The following RAB38 variants were observed in gnomAD, a reference collection of about 807,000 sequenced individuals.
RAB38 encodes RAB38, member RAS oncogene family.
In RAB38, 15 loss-of-function variants were observed where a neutral mutation model predicts 18.4. The ratio of observed to expected loss-of-function variants is 0.82; its 90% CI spans 0.55 to 1.26. RAB38 has a LOEUF of 1.26. Among genes scored for constraint, RAB38 ranks in the 50% most tolerant of loss-of-function variants. The probability of loss-of-function intolerance (pLI) is 0.00; values close to 1 mark genes in which losing one functional copy is unlikely to be tolerated. For missense variants in RAB38, 294 were observed against 267.4 expected, an observed-to-expected ratio of 1.10 and a Z score of -0.69; for synonymous variants, 101 against 104.4, an observed-to-expected ratio of 0.97 and a Z score of 0.20.
the RAB38 span, among the ~76,000 whole-genome samples, chr11:87,960,869 T>G: frequency 6.6e-6 from 1 of 152,164 alleles, no homozygotes; most frequent in African/African-American, 2.4e-5. Context: ...AGCATAGTAA[T>G]GCCTTACAGA....
chr11:87,857,812 T>A, the RAB38 span, among the ~76,000 whole-genome samples: 800 of 152,258 alleles, frequency 5.3e-3, 2 homozygotes, highest in Non-Finnish European at 8.4e-3. Context: ...ATTCTGTAGG[T>A]TGCCTGTTCA....
At chr11:87,948,893 G>T in the RAB38 span, among the ~76,000 whole-genome samples, 7 of 152,040 alleles carry the variant, frequency 4.6e-5, no homozygotes, top group African/African-American at 4.8e-5. Flanking sequence ...TCAGGATGAT[G>T]CTGGCCTCAT....
At chr11:87,822,746 A>G in the RAB38 span, among the ~76,000 whole-genome samples, 75 of 152,320 alleles carry the variant, frequency 4.9e-4, no homozygotes, top group African/African-American at 1.4e-3. Flanking sequence ...TCCAGTCTAT[A>G]TACAAGGGAA....
chr11:87,940,166 C>CAAAA, the RAB38 span, among the ~76,000 whole-genome samples: 2 of 127,456 alleles, frequency 1.6e-5, no homozygotes, highest in Non-Finnish European at 3.3e-5. Context: ...CCAGATAATA[C>CAAAA]AAAAAAAAAA....
the RAB38 span, among the ~76,000 whole-genome samples, chr11:88,013,289 C>G: frequency 5.9e-5 from 9 of 152,030 alleles, no homozygotes; most frequent in Admixed American, 3.9e-4. Flanking sequence ...GCTTATCTGT[C>G]TAAAGCAGGG....
At chr11:88,100,718 G>GT in the RAB38 span, among the ~76,000 whole-genome samples, 1 of 151,896 alleles carries the variant, frequency 6.6e-6, no homozygotes, top group South Asian at 2.1e-4. Context: ...GTTGAAAATT[G>GT]TAATAACACT....
chr11:87,966,324 G>A, the RAB38 span, among the ~76,000 whole-genome samples: 11 of 152,068 alleles, frequency 7.2e-5, no homozygotes, highest in African/African-American at 2.2e-4. Flanking sequence ...ATATTTACAT[G>A]TAGAGGAGTA....
the RAB38 span, among the ~76,000 whole-genome samples, chr11:88,041,953 T>C: frequency 0.05 from 7,683 of 152,142 alleles, 327 homozygotes; most frequent in South Asian, 0.074. Context: ...GTGGGTTTTA[T>C]TCCTGCCTTA....
chr11:87,820,003 C>G, the RAB38 span, among the ~76,000 whole-genome samples: 1 of 152,100 alleles, frequency 6.6e-6, no homozygotes, highest in East Asian at 1.9e-4. Context: ...GATCAACCCT[C>G]CTGCTGAAAT....
At chr11:87,947,878 C>G in the RAB38 span, among the ~76,000 whole-genome samples, 1 of 152,158 alleles carries the variant, frequency 6.6e-6, no homozygotes, top group African/African-American at 2.4e-5. Flanking sequence ...GCAATGCAGT[C>G]TCTTTTTTGG....
At chr11:87,977,761 T>C in the RAB38 span, among the ~76,000 whole-genome samples, 1 of 62,300 alleles carries the variant, frequency 1.6e-5, no homozygotes, top group Non-Finnish European at 3.3e-5. Context: ...ATATATATAT[T>C]ATATTATAGT....
At chr11:88,162,538 C>T (rs1943198348) in intron 1 of RAB38, among the ~76,000 whole-genome samples, 1 of 152,000 alleles carries the variant, frequency 6.6e-6, no homozygotes, top group South Asian at 2.1e-4. Flanking sequence ...ACTTTCTTTC[C>T]ACTCCCACTA....
In RAB38 at chr11:88,113,763, G is replaced by T. The variant is rs2134765945; in HGVS notation, c.*225C>A. ...TTGGTCAGCTACATGACAGAAGTTT[G>T]TAACAGACTAAATATTTTCAAAAGT... On this transcript the variant is annotated 3_prime_UTR_variant, in exon 3 of 3. Coordinates refer to ENST00000243662, the MANE Select transcript of RAB38 (RefSeq NM_022337.3). The T allele has an allele frequency of 1.8e-6, 1 of 548,078 alleles. No individual in the cohort carries two copies. Among genetic ancestry groups the T allele is most frequent in the South Asian group, 3.0e-5 (1 of 33,734 alleles). The allele number at this position is 548,078 out of a possible 1,614,324, so 34.0% of individuals were successfully genotyped here.
the RAB38 span, among the ~76,000 whole-genome samples, chr11:87,848,083 C>A: frequency 6.6e-6 from 1 of 152,272 alleles, no homozygotes; most frequent in East Asian, 1.9e-4. Flanking sequence ...CCAATTAATT[C>A]TCATTTACAC....
At chr11:88,096,420 AAAATAG>A in the RAB38 span, among the ~76,000 whole-genome samples, 1 of 151,856 alleles carries the variant, frequency 6.6e-6, no homozygotes, top group Non-Finnish European at 1.5e-5. Context: ...TATCCTGCAT[AAAATAG>A]CACCCCAACA....
At chr11:88,118,229 A>C (rs1277429504) in intron 2 of RAB38, among the ~76,000 whole-genome samples, 2 of 152,238 alleles carry the variant, frequency 1.3e-5, no homozygotes, top group Non-Finnish European at 2.9e-5. Flanking sequence ...TGCAACCAGG[A>C]ATCAGGCAAG....
At chr11:87,953,378 T>G in the RAB38 span, among the ~76,000 whole-genome samples, 12 of 151,710 alleles carry the variant, frequency 7.9e-5, no homozygotes, top group Admixed American at 2.0e-4. Flanking sequence ...ATAAAACAAG[T>G]GCCTGGATAG....
the RAB38 span, among the ~76,000 whole-genome samples, chr11:87,811,986 T>G: frequency 7.9e-5 from 12 of 152,196 alleles, no homozygotes; most frequent in African/African-American, 2.9e-4. Context: ...AATGAATACA[T>G]TTTGTATCCT....
the RAB38 span, among the ~76,000 whole-genome samples, chr11:88,061,114 C>T: frequency 2.0e-5 from 3 of 152,144 alleles, no homozygotes; most frequent in Non-Finnish European, 4.4e-5. Context: ...GAACAGTAAT[C>T]ATCACAGATA....
Sources: allele counts gnomAD v4.1 joint callset (sites outside exome capture counted in the v4.1 genomes callset), GRCh38; gene constraint gnomAD v4.1.1; transcripts MANE v1.5; gene names NCBI Gene and HGNC (gene_info 2026-07-23, HGNC 2026-07-21).